The following ULK2 variants were observed in gnomAD, a reference collection of about 807,000 sequenced individuals.
ULK2 encodes the protein serine/threonine-protein kinase ULK2.
ULK2 carries 76 observed loss-of-function variants against 127.5 expected under a neutral mutation model. The ratio of observed to expected loss-of-function variants is 0.60; its 90% CI spans 0.50 to 0.72. The LOEUF (loss-of-function observed/expected upper bound fraction) is 0.72. Ranked by LOEUF, ULK2 falls within the 30% of genes least tolerant of loss-of-function variation. The pLI is 0.00. For missense variants in ULK2, 1,144 were observed against 1,295.9 expected, an observed-to-expected ratio of 0.88 and a Z score of 1.80; for synonymous variants, 452 against 461.9, an observed-to-expected ratio of 0.98 and a Z score of 0.28.
In ULK2 at chr17:19,867,196, G is replaced by C; in HGVS notation, c.90+132C>G. On this transcript the variant is annotated intron_variant, in intron 1 of 26. Transcript: ENST00000395544. ...AGGACCAAAACAAACGGCGAGACGG[G>C]CTGCGCGCACAATAGCATACCCGGG... 3 of 646,640 alleles carry C rather than the reference G, an allele frequency of 4.6e-6. No homozygotes were observed. The South Asian group carries it at 7.2e-5, about 16-fold the overall frequency. 40.1% of individuals were successfully genotyped at this position (646,640 alleles called of 1,614,324 possible). A position where few individuals can be genotyped will look rare whatever the true frequency, so the allele number is the denominator to read the frequency against.
intron 10 of ULK2, among the ~76,000 whole-genome samples, chr17:19,836,545 C>G (rs546829036): frequency 6.6e-6 from 1 of 152,004 alleles, no homozygotes; most frequent in South Asian, 2.1e-4. Context: ...TGGGAAGTTG[C>G]AGTGAGCCGA....
rs1343711780 is a variant in ULK2 at position 19,846,769 on chromosome 17, T to C, written c.437A>G (p.Lys146Arg). The part of the protein sequence containing the change: ...NILLSYANRR[K>R]SSVSGIRIKI... ...GATGCGAATACCACTGACACTTGAT[T>C]TTCTGCGATTGGCATAGGACAGCAA... The change falls in exon 6 of 27, where the codon AAA becomes AGA. Residue 146 changes from lysine to arginine, a missense_variant. Coordinates refer to ENST00000395544, the MANE Select transcript of ULK2 (RefSeq NM_014683.4). 6.2e-7 allele frequency: 1 copy of C among 1,611,834 alleles called. No homozygotes were observed. The highest frequency in any genetic ancestry group is 8.5e-7 in the Non-Finnish European group (1 of 1,179,096).
In ULK2 at chr17:19,772,408, G is replaced by C. The variant is rs893370924; in HGVS notation, c.*3941C>G. ...TTTACTAAACATGAGACTTGGGAGG[G>C]ACCCAAGAGCTTGCTTGGCTGCAGA... is the stretch of plus-strand genomic sequence containing the variant. On this transcript the variant is annotated 3_prime_UTR_variant, in exon 27 of 27. Coordinates refer to ENST00000395544, the MANE Select transcript of ULK2 (RefSeq NM_014683.4). The C allele has an allele frequency of 5.3e-5, 8 of 152,264 alleles. No homozygotes were observed. The East Asian group carries it at 5.8e-4, about 11-fold the overall frequency. 9.4% of individuals were successfully genotyped at this position (152,264 alleles called of 1,614,324 possible).
In ULK2 at chr17:19,809,712, G is replaced by A. The variant is rs1197280663; in HGVS notation, c.1157+666C>T. Among the ~76,000 whole-genome samples, 3 of 117,458 alleles carry A rather than the reference G, an allele frequency of 2.6e-5. No homozygotes were observed. In the East Asian group the frequency reaches 7.7e-4, roughly 30 times the overall value. The allele number at this position is 117,458 out of a possible 152,430, so 77.1% of individuals were successfully genotyped here. The stretch of plus-strand genomic sequence containing the variant: ...CACGCCATTGCACTCCAACCTGGGT[G>A]ACAGGACGAGACTCCGTCTCAAAAA... On this transcript the variant is annotated intron_variant, in intron 14 of 26. Coordinates refer to ENST00000395544, the MANE Select transcript of ULK2 (RefSeq NM_014683.4).
At chr17:19,854,267 C>T (rs974834646) in intron 3 of ULK2, among the ~76,000 whole-genome samples, 6 of 148,922 alleles carry the variant, frequency 4.0e-5, no homozygotes, top group African/African-American at 1.5e-4. Flanking sequence ...AACAGAGATT[C>T]CATCTCAAAA....
At chr17:19,802,192 A>G (rs2087415574) in intron 15 of ULK2, among the ~76,000 whole-genome samples, 1 of 152,202 alleles carries the variant, frequency 6.6e-6, no homozygotes, top group African/African-American at 2.4e-5. Context: ...TCCTTAATGC[A>G]TATACAAAAT....
At chr17:19,855,503 G>A (rs891000927) in intron 3 of ULK2, among the ~76,000 whole-genome samples, 3 of 151,026 alleles carry the variant, frequency 2.0e-5, no homozygotes, top group African/African-American at 7.3e-5. Context: ...GGTAAGCTAA[G>A]GCAGGAGAAT....
chr17:19,793,091 T>A (rs2087191512), intron 20 of ULK2, among the ~76,000 whole-genome samples: 1 of 152,078 alleles, frequency 6.6e-6, no homozygotes, highest in South Asian at 2.1e-4. Flanking sequence ...TGGGAAGGCC[T>A]CAGGAAACTT....
At chr17:19,786,824 T>C (rs2087043849) in intron 20 of ULK2, among the ~76,000 whole-genome samples, 1 of 151,872 alleles carries the variant, frequency 6.6e-6, no homozygotes, top group Non-Finnish European at 1.5e-5. Context: ...ATACAAAGGA[T>C]AGCTCTTCAG....
chr17:19,816,704 AG>A (rs749453527), intron 13 of ULK2, 44 bp downstream of exon 13: 36 of 1,469,002 alleles, frequency 2.5e-5, no homozygotes, highest in Non-Finnish European at 3.2e-5. Flanking sequence ...ATGCTAGTTT[AG>A]TAGATTAAGA....
intron 23 of ULK2, 133 bp from the exon 24 acceptor site, chr17:19,781,237 C>A: frequency 1.7e-4 from 88 of 529,890 alleles, no homozygotes; most frequent in Non-Finnish European, 2.5e-4. Context: ...TTTCTTCTTT[C>A]TTTTCTTTTT....
chr17:19,782,200 AT>A, intron 22 of ULK2, 133 bp from the exon 23 acceptor site: 1 of 1,009,288 alleles, frequency 9.9e-7, no homozygotes, highest in Non-Finnish European at 1.4e-6. Context: ...GGAGATTGAA[AT>A]TTTTAAATTT....
rs184374011 is a variant in ULK2 at position 19,832,324 on chromosome 17, G to A, written c.788-6138C>T. 3.5e-3 allele frequency among the ~76,000 whole-genome samples: 532 copies of A among 150,778 alleles called. 3 individuals are homozygous for A. Among genetic ancestry groups the A allele is most frequent in the African/African-American group, 0.012 (511 of 40,980 alleles). On this transcript the variant is annotated intron_variant, in intron 10 of 26. Coordinates refer to ENST00000395544, the MANE Select transcript of ULK2 (RefSeq NM_014683.4). ...CATTCTGTCACCCAGGCTGGGTGCAGTGGCATGACCACAGCTCACTGTAGC... is the reference window on the plus strand; with the variant it reads ...CATTCTGTCACCCAGGCTGGGTGCAATGGCATGACCACAGCTCACTGTAGC...
At chr17:19,819,639 C>T (rs926024659) in intron 12 of ULK2, among the ~76,000 whole-genome samples, 4 of 152,172 alleles carry the variant, frequency 2.6e-5, no homozygotes, top group African/African-American at 7.2e-5. Context: ...CATGCCTGTA[C>T]GTTAACTCAT....
intron 12 of ULK2, among the ~76,000 whole-genome samples, chr17:19,820,831 C>A (rs1169462794): frequency 1.3e-5 from 2 of 152,074 alleles, no homozygotes; most frequent in South Asian, 4.2e-4. Flanking sequence ...TTTTGATGTT[C>A]CCCAATCACA....
At chr17:19,864,219 G>C (rs573245244) in intron 3 of ULK2, among the ~76,000 whole-genome samples, 1 of 152,184 alleles carries the variant, frequency 6.6e-6, no homozygotes, top group Non-Finnish European at 1.5e-5. Flanking sequence ...TGTAATCCCA[G>C]TACTTTGGGA....
intron 3 of ULK2, among the ~76,000 whole-genome samples, chr17:19,860,524 CTTT>C (rs34701817): frequency 5.1e-5 from 7 of 138,118 alleles, no homozygotes; most frequent in Admixed American, 2.2e-4. Context: ...ATTAATACCT[CTTT>C]TTTTTTTTTT....
intron 3 of ULK2, among the ~76,000 whole-genome samples, chr17:19,862,852 CTT>C (rs2042271554): frequency 6.6e-6 from 1 of 152,070 alleles, no homozygotes; most frequent in Admixed American, 6.6e-5. Flanking sequence ...AAAGCAAAGA[CTT>C]TGTTTTATTC....
intron 14 of ULK2, among the ~76,000 whole-genome samples, chr17:19,809,873 C>G (rs1216950354): frequency 6.6e-6 from 1 of 151,806 alleles, no homozygotes. Context: ...CCAATGCACT[C>G]CAGCCTGGGC....
Sources: allele counts gnomAD v4.1 joint callset (sites outside exome capture counted in the v4.1 genomes callset), GRCh38; gene constraint gnomAD v4.1.1; transcripts MANE v1.5; gene names NCBI Gene and HGNC (gene_info 2026-07-23, HGNC 2026-07-21).